LBHD1: variants seen among roughly 807,000 people sequenced by gnomAD.
The protein encoded by LBHD1 is LBH domain-containing protein 1.
In LBHD1, 28 loss-of-function variants were observed where a neutral mutation model predicts 31.1. The observed-to-expected ratio is 0.90, with a 90% confidence interval of 0.67 to 1.24. The LOEUF is 1.24. Ranked by LOEUF, LBHD1 falls within the 50% of genes most tolerant of loss-of-function variation. The probability of loss-of-function intolerance (pLI) is 0.00; values close to 1 mark genes in which losing one functional copy is unlikely to be tolerated. For missense variants in LBHD1, 350 were observed against 323.0 expected (o/e 1.08, Z -0.64); for synonymous variants, 105 against 116.5 (o/e 0.90, Z 0.63).
Position 62,665,518 on chromosome 11 carries a change from C to A in LBHD1, c.539-545G>T, listed in dbSNP as rs759045855. ...TCTGGCCCCCTCGGCGTCATGTCTT[C>A]GGTGCTGGCGGCTTCCCATCCGCTG... On this transcript the variant is annotated intron_variant, in intron 4 of 6. Transcript: ENST00000354588. The A allele has an allele frequency of 3.8e-6, 6 of 1,569,690 alleles. No homozygotes were observed. In the African/African-American group the frequency reaches 4.0e-5, roughly 11 times the overall value.
intron 4 of LBHD1, chr11:62,666,735 C>T (rs764287011): frequency 5.6e-6 from 9 of 1,614,114 alleles, no homozygotes; most frequent in South Asian, 1.1e-5. Flanking sequence ...CACCCTGCCT[C>T]AAGCCTCCAC....
chr11:62,670,064 C>G, intron 1 of LBHD1, 23 bp from the exon 2 acceptor site: 8 of 1,583,200 alleles, frequency 5.1e-6, no homozygotes, highest in Non-Finnish European at 6.0e-6. Flanking sequence ...GATGATTGAA[C>G]TCAGAGGAGA....
Position 62,671,642 on chromosome 11 carries a change from C to G in LBHD1, c.-89G>C. 2.0e-6 allele frequency: 3 copies of G among 1,533,804 alleles called. No homozygotes were observed. Among genetic ancestry groups the G allele is most frequent in the African/African-American group, 1.4e-5 (1 of 72,690 alleles). On this transcript the variant is annotated 5_prime_UTR_variant, in exon 1 of 7. Coordinates refer to ENST00000354588, the MANE Select transcript of LBHD1 (RefSeq NM_024099.5). ...GCCGGCCGCTTATCTATGGTTTCTGCTATAGGGCGCTCTAGCCTGCGCCAA... is the reference window on the plus strand; with the variant it reads ...GCCGGCCGCTTATCTATGGTTTCTGGTATAGGGCGCTCTAGCCTGCGCCAA...
chr11:62,667,519 T>A lies in LBHD1; in HGVS notation c.538+4A>T, dbSNP rs749402374. On this transcript the variant is annotated splice_donor_region_variant and intron_variant, in intron 4 of 6. Transcript: ENST00000354588. The stretch of plus-strand genomic sequence containing the variant: ...ATATTTGAGGGGGAGGGAACAATAC[T>A]TACCCTCAAAGCTATTAGGAGGCAG... 5.0e-6 allele frequency: 8 copies of A among 1,611,510 alleles called. No individual in the cohort carries two copies. Among genetic ancestry groups the A allele is most frequent in the Non-Finnish European group, 6.8e-6 (8 of 1,177,788 alleles).
chr11:62,667,400 A>G, intron 4 of LBHD1, 123 bp downstream of exon 4: 2 of 975,298 alleles, frequency 2.1e-6, no homozygotes, highest in Non-Finnish European at 3.2e-6. Flanking sequence ...TGACTTGTAT[A>G]ATCTAGTGGC....
rs761762473 is a variant in LBHD1 at position 62,669,773 on chromosome 11, TAGAC to T, written c.177_180del (p.Ser60LeufsTer8). ...TTCACCTCACTGGATTCCACCACAA[TAGAC>T]GGCAGATGGGACTTTTGAGAGAAAT... On this transcript the variant is annotated frameshift_variant, in exon 3 of 7. Coordinates refer to ENST00000354588, the MANE Select transcript of LBHD1 (RefSeq NM_024099.5). LOFTEE classifies it high-confidence loss of function. 10 of 1,614,132 alleles carry T rather than the reference TAGAC, an allele frequency of 6.2e-6. 1 individual carries two copies. In the East Asian group the frequency reaches 2.2e-4, roughly 36 times the overall value.
chr11:62,665,849 C>T, intron 4 of LBHD1: 1 of 1,608,886 alleles, frequency 6.2e-7, no homozygotes, highest in Non-Finnish European at 8.5e-7. Flanking sequence ...TTCACATAAG[C>T]TTCTCTGGTC....
intron 3 of LBHD1, 26 bp downstream of exon 3, chr11:62,669,615 C>T: frequency 1.3e-6 from 2 of 1,598,286 alleles, no homozygotes; most frequent in Non-Finnish European, 1.7e-6. Flanking sequence ...CTCACAGTGG[C>T]CCCCTGAATG....
Position 62,671,704 on chromosome 11 carries a change from C to T in LBHD1, c.-151G>A, listed in dbSNP as rs201784790. On this transcript the variant is annotated 5_prime_UTR_variant, in exon 1 of 7. Transcript: ENST00000354588. ...ACCGCGCGGCAACAGCTTGCGGCTGCGGGGAGCTCCCGTGGGCGCTCCGCT... is the reference window on the plus strand; with the variant it reads ...ACCGCGCGGCAACAGCTTGCGGCTGTGGGGAGCTCCCGTGGGCGCTCCGCT... 1.4e-4 allele frequency: 230 copies of T among 1,605,882 alleles called. 1 individual carries two copies. The African/African-American group carries it at 2.3e-3, about 16-fold the overall frequency.
At position 62,663,105 on chromosome 11, in the gene LBHD1, T is replaced by C; in HGVS notation, c.*24A>G. On this transcript the variant is annotated 3_prime_UTR_variant, in exon 7 of 7. Coordinates refer to ENST00000354588, the MANE Select transcript of LBHD1 (RefSeq NM_024099.5). ...TACATCCTGGGGGGCTTTTGTCTTC[T>C]TTTGCCTTTTGAGCTGTGGTTCACT... The C allele has an allele frequency of 1.2e-6, 2 of 1,613,906 alleles. No individual in the cohort carries two copies. The highest frequency in any genetic ancestry group is 8.5e-7 in the Non-Finnish European group (1 of 1,179,874).
chr11:62,665,168 A>G (rs1340531153), intron 4 of LBHD1, 195 bp from the exon 5 acceptor site: 1 of 867,180 alleles, frequency 1.2e-6, no homozygotes, highest in Non-Finnish European at 1.9e-6. Flanking sequence ...CGGAGCTCCC[A>G]TAGTCGCGAT....
intron 4 of LBHD1, chr11:62,665,985 G>A: frequency 2.5e-6 from 4 of 1,583,124 alleles, no homozygotes; most frequent in Middle Eastern, 3.4e-4. Context: ...GCAAGGTGGG[G>A]GCAGAGTGGG....
At chr11:62,665,759 T>C (rs1250303844) in intron 4 of LBHD1, 2 of 1,507,842 alleles carry the variant, frequency 1.3e-6, no homozygotes, top group African/African-American at 2.8e-5. Context: ...TCGGGGAAGC[T>C]GTACGCCGCC....
chr11:62,663,898 C>G (rs1353854215), intron 5 of LBHD1, among the ~76,000 whole-genome samples: 1 of 150,566 alleles, frequency 6.6e-6, no homozygotes, highest in Non-Finnish European at 1.5e-5. Flanking sequence ...CATGGTGAAA[C>G]CCCGTCTCTA....
Position 62,664,849 on chromosome 11 carries a change from G to A in LBHD1, c.663C>T (p.Gly221=). Residue 221 remains glycine, a splice_region_variant and synonymous_variant, in exon 5 of 7, where the codon GGC becomes GGT. Transcript: ENST00000354588. ...ADHAAPPQEA[G]VQCTCQHYTV... is the part of the protein sequence containing the mutation. Reference sequence around the variant, plus strand: ...AACAGGAAGAGGGTCTAGTACTTACGCCCGCTTCTTGAGGTGGTGCCGCGT... The same window carrying A: ...AACAGGAAGAGGGTCTAGTACTTACACCCGCTTCTTGAGGTGGTGCCGCGT... 6.4e-7 allele frequency: 1 copy of A among 1,565,260 alleles called. No homozygotes were observed. The highest frequency in any genetic ancestry group is 8.7e-7 in the Non-Finnish European group (1 of 1,154,532).
In LBHD1 at chr11:62,671,841, GC is replaced by G; in HGVS notation, c.-289del. On this transcript the variant is annotated 5_prime_UTR_variant, in exon 1 of 7. Transcript: ENST00000354588. The stretch of plus-strand genomic sequence containing the variant: ...TCCTCGTTATCGTGACCCCGGGAGA[GC>G]GGCGGAAGCAGGAAATGCTAAAGGT... 1 of 1,614,178 alleles carries G rather than the reference GC, an allele frequency of 6.2e-7. No individual in the cohort carries two copies. Among genetic ancestry groups the G allele is most frequent in the Non-Finnish European group, 8.5e-7 (1 of 1,180,030 alleles).
chr11:62,669,932 G>A lies in LBHD1; in HGVS notation c.100C>T (p.Leu34Phe), dbSNP rs766689038. 6.2e-7 allele frequency: 1 copy of A among 1,614,218 alleles called. No individual in the cohort carries two copies. Among genetic ancestry groups the A allele is most frequent in the Non-Finnish European group, 8.5e-7 (1 of 1,180,048 alleles). ...TTGCCAATTTTTCCTCTGTCCCAGA[G>A]AGGGTTGGGCAGCCTGGGACTTTCT... ...HPESPRLPNP[L>F]WDRGKIGKVE... is the part of the protein sequence containing the mutation. Residue 34 changes from leucine to phenylalanine, a missense_variant, in exon 2 of 7, where the codon CTC (leucine) becomes TTC (phenylalanine). By Grantham distance (22) the Leu-to-Phe change is conservative. Coordinates refer to ENST00000354588, the MANE Select transcript of LBHD1 (RefSeq NM_024099.5).
At chr11:62,667,494 A>G in intron 4 of LBHD1, 29 bp downstream of exon 4, 2 of 1,603,832 alleles carry the variant, frequency 1.2e-6, no homozygotes, top group South Asian at 1.1e-5. Context: ...CCTGGATGAG[A>G]TATTTGAGGG....
At chr11:62,663,765 A>T (rs1462952973) in intron 5 of LBHD1, among the ~76,000 whole-genome samples, 1 of 151,332 alleles carries the variant, frequency 6.6e-6, no homozygotes, top group Non-Finnish European at 1.5e-5. Flanking sequence ...AAATATTTAC[A>T]TTGAAGAAGC....
Sources: gnomAD v4.1 joint callset for allele counts (sites outside exome capture counted in the v4.1 genomes callset) on GRCh38, gnomAD v4.1.1 for gene constraint, MANE v1.5 for transcripts, NCBI Gene and HGNC (gene_info 2026-07-23, HGNC 2026-07-21) for gene names.